Variants in CCDC148 observed in about 807,000 individuals in gnomAD.
The protein encoded by CCDC148 is coiled-coil domain containing 148, also known as coiled-coil domain-containing protein 148.
In CCDC148, 89 loss-of-function variants were observed where a neutral mutation model predicts 85.7. The observed-to-expected ratio is 1.04, with a 90% CI of 0.87 to 1.24. CCDC148 has a LOEUF of 1.24. Ranked by LOEUF, CCDC148 falls within the 50% of genes most tolerant of loss-of-function variation. CCDC148 has a pLI of 0.00. For synonymous variants in CCDC148, 230 were observed against 213.9 expected, an observed-to-expected ratio of 1.08 and a Z score of -0.66; for missense variants, 692 against 671.7, an observed-to-expected ratio of 1.03 and a Z score of -0.33.
chr2:158,263,795 AAAG>A (rs1395921912), intron 9 of CCDC148, among the ~76,000 whole-genome samples: 1 of 152,070 alleles, frequency 6.6e-6, no homozygotes, highest in Non-Finnish European at 1.5e-5. Context: ...AATGGATTAC[AAAG>A]AAGAAAAGTA....
At position 158,418,505 on chromosome 2, in the gene CCDC148, C is replaced by T. The variant is rs544359276; in HGVS notation, c.25+37910G>A. Among the ~76,000 whole-genome samples the T allele has an allele frequency of 3.6e-4, 55 of 152,220 alleles. 1 individual carries two copies. Among genetic ancestry groups the T allele is most frequent in the African/African-American group, 1.3e-3 (55 of 41,544 alleles). ...ACCTTCCTTCTGTTCCTGGTATCTCCCAAGTTCATTTCTGCCTCCAAGTCT... is the reference window on the plus strand; with the variant it reads ...ACCTTCCTTCTGTTCCTGGTATCTCTCAAGTTCATTTCTGCCTCCAAGTCT... On this transcript the variant is annotated intron_variant, in intron 1 of 13. Coordinates refer to ENST00000283233, the MANE Select transcript of CCDC148 (RefSeq NM_138803.4).
At chr2:158,368,815 G>A (rs1684308602) in intron 1 of CCDC148, among the ~76,000 whole-genome samples, 1 of 151,930 alleles carries the variant, frequency 6.6e-6, no homozygotes. Flanking sequence ...TTTATGACCA[G>A]TCTCTACAGG....
intron 7 of CCDC148, among the ~76,000 whole-genome samples, chr2:158,321,377 G>A (rs776560770): frequency 1.3e-5 from 2 of 152,156 alleles, no homozygotes; most frequent in African/African-American, 4.8e-5. Context: ...TCTAACCAAC[G>A]AGACTACGTG....
At chr2:158,421,149 A>G (rs901897021) in intron 1 of CCDC148, among the ~76,000 whole-genome samples, 1 of 152,182 alleles carries the variant, frequency 6.6e-6, no homozygotes, top group African/African-American at 2.4e-5. Flanking sequence ...GGAGACTTTA[A>G]CACCCCACTG....
intron 1 of CCDC148, among the ~76,000 whole-genome samples, chr2:158,454,756 G>C (rs1171820597): frequency 6.6e-6 from 1 of 152,242 alleles, no homozygotes; most frequent in African/African-American, 2.4e-5. Flanking sequence ...TTAGTGGAAT[G>C]AAGTGATTCT....
chr2:158,250,978 T>C (rs1171043931), intron 9 of CCDC148, 66 bp from the exon 10 acceptor site: 1 of 1,439,972 alleles, frequency 6.9e-7, no homozygotes, highest in Non-Finnish European at 9.4e-7. Context: ...TAGGTCATAA[T>C]AAGACTAGGC....
At chr2:158,243,812 T>C (rs1005594810) in intron 10 of CCDC148, among the ~76,000 whole-genome samples, 2 of 152,158 alleles carry the variant, frequency 1.3e-5, no homozygotes, top group Non-Finnish European at 2.9e-5. Context: ...TTGATCCTTT[T>C]CACTTAAATT....
chr2:158,450,177 G>A (rs1273562018), intron 1 of CCDC148, among the ~76,000 whole-genome samples: 1 of 152,082 alleles, frequency 6.6e-6, no homozygotes. Context: ...TAGAGTGGGG[G>A]CATATATTTT....
chr2:158,392,344 T>G (rs1467697526), intron 1 of CCDC148, among the ~76,000 whole-genome samples: 3 of 152,146 alleles, frequency 2.0e-5, no homozygotes, highest in African/African-American at 7.2e-5. Flanking sequence ...TTATTACATA[T>G]GCCTACTAAT....
intron 10 of CCDC148, 126 bp from the exon 11 acceptor site, chr2:158,220,839 T>C (rs1687143699): frequency 1.5e-6 from 1 of 685,568 alleles, no homozygotes; most frequent in African/African-American, 1.9e-5. Context: ...ATCTTTTTTG[T>C]TTCATAGATA....
At chr2:158,423,652 A>C (rs914505701) in intron 1 of CCDC148, among the ~76,000 whole-genome samples, 5 of 152,350 alleles carry the variant, frequency 3.3e-5, no homozygotes, top group Admixed American at 6.5e-5. Flanking sequence ...GGACATAGGC[A>C]TGGGCAAAGA....
chr2:158,383,529 T>C (rs1224400891), intron 1 of CCDC148, among the ~76,000 whole-genome samples: 1 of 152,174 alleles, frequency 6.6e-6, no homozygotes, highest in Non-Finnish European at 1.5e-5. Flanking sequence ...TTGTCTTCTT[T>C]GTGTTCCATA....
intron 2 of CCDC148, among the ~76,000 whole-genome samples, chr2:158,352,683 C>A (rs1029951720): frequency 2.0e-5 from 3 of 151,970 alleles, no homozygotes; most frequent in Non-Finnish European, 4.4e-5. Flanking sequence ...CTTCCCCAAT[C>A]TAGCAAGGCA....
chr2:158,283,445 G>A (rs906972132), intron 9 of CCDC148, among the ~76,000 whole-genome samples: 52 of 150,514 alleles, frequency 3.5e-4, no homozygotes, highest in Non-Finnish European at 6.0e-4. Context: ...GAAAAACAAC[G>A]CCATCAAAAA....
intron 1 of CCDC148, among the ~76,000 whole-genome samples, chr2:158,407,042 C>T (rs1264760891): frequency 6.6e-6 from 1 of 152,088 alleles, no homozygotes; most frequent in Non-Finnish European, 1.5e-5. Flanking sequence ...CCTCTACTCG[C>T]ATTTCTTCCC....
Position 158,239,455 on chromosome 2 carries a change from C to T in CCDC148, c.1251+11317G>A, listed in dbSNP as rs116722201. Among the ~76,000 whole-genome samples the T allele has an allele frequency of 2.6e-3, 394 of 152,130 alleles. 1 individual carries two copies. The highest frequency in any genetic ancestry group is 8.9e-3 in the African/African-American group (369 of 41,504). The stretch of plus-strand genomic sequence containing the variant: ...GCTGAAACCAGAAAAGTGAGCTTCT[C>T]GGATTACCATTCTACCATCTGTGGG... On this transcript the variant is annotated intron_variant, in intron 10 of 13. Coordinates refer to ENST00000283233, the MANE Select transcript of CCDC148 (RefSeq NM_138803.4).
intron 8 of CCDC148, among the ~76,000 whole-genome samples, chr2:158,312,846 G>T (rs1239903210): frequency 6.6e-6 from 1 of 152,076 alleles, no homozygotes; most frequent in Non-Finnish European, 1.5e-5. Flanking sequence ...GGAGAAAATG[G>T]TCACAGTAGC....
chr2:158,218,689 T>C (rs1183366828), intron 11 of CCDC148, among the ~76,000 whole-genome samples: 1 of 152,238 alleles, frequency 6.6e-6, no homozygotes, highest in South Asian at 2.1e-4. Context: ...ATCAACCAGA[T>C]GTTGCCTTGC....
intron 11 of CCDC148, among the ~76,000 whole-genome samples, chr2:158,200,291 G>T (rs1471798749): frequency 2.6e-5 from 4 of 152,162 alleles, no homozygotes; most frequent in Non-Finnish European, 5.9e-5. Context: ...CTTGTAGGAT[G>T]CTCCTTATTT....
Sources: gnomAD v4.1 joint callset for allele counts (sites outside exome capture counted in the v4.1 genomes callset) on GRCh38, gnomAD v4.1.1 for gene constraint, MANE v1.5 for transcripts, NCBI Gene and HGNC (gene_info 2026-07-23, HGNC 2026-07-21) for gene names.